DCX: variants seen among roughly 807,000 people sequenced by gnomAD.
DCX encodes the protein neuronal migration protein doublecortin.
In DCX, 4 loss-of-function variants were observed where a neutral mutation model predicts 20.9. The observed-to-expected ratio is 0.19, with a 90% confidence interval of 0.09 to 0.44. The LOEUF is 0.44. Among genes scored for constraint, DCX ranks in the 20% least tolerant of loss-of-function variants. The pLI is 0.99. For missense variants in DCX, 133 were observed against 296.9 expected, an observed-to-expected ratio of 0.45 and a Z score of 4.06; for synonymous variants, 103 against 111.4, an observed-to-expected ratio of 0.92 and a Z score of 0.47.
intron 5 of DCX, among the ~76,000 whole-genome samples, chrX:111,315,271 C>T (rs2095067594): frequency 2.3e-5 from 2 of 87,898 alleles, no homozygotes; most frequent in Non-Finnish European, 4.4e-5. Context: ...GGGCGAAGGA[C>T]ATGAACAGAC....
intron 3 of DCX, among the ~76,000 whole-genome samples, chrX:111,350,300 G>T (rs1273455824): frequency 9.0e-6 from 1 of 111,380 alleles, no homozygotes; most frequent in East Asian, 2.8e-4. Context: ...GTAAGCAAAA[G>T]GAAGGAGCTG....
chrX:111,332,690 T>C (rs932058163), intron 4 of DCX, among the ~76,000 whole-genome samples: 1 of 112,065 alleles, frequency 8.9e-6, no homozygotes, highest in Non-Finnish European at 1.9e-5. Flanking sequence ...TTGGAGGACG[T>C]TGAATGGAGA....
intron 2 of DCX, among the ~76,000 whole-genome samples, chrX:111,409,066 A>T (rs749816131): frequency 1.8e-5 from 2 of 111,862 alleles, no homozygotes; most frequent in African/African-American, 6.5e-5. Context: ...GGAGGAACAC[A>T]TTAATTATCA....
intron 6 of DCX, among the ~76,000 whole-genome samples, chrX:111,305,192 C>A (rs981977492): frequency 1.8e-5 from 2 of 111,341 alleles, no homozygotes; most frequent in East Asian, 2.8e-4. Flanking sequence ...AGAGAATCAT[C>A]CACAGAGAAA....
intron 3 of DCX, among the ~76,000 whole-genome samples, chrX:111,395,438 TA>T (rs1239973405): frequency 1.8e-5 from 2 of 111,980 alleles, no homozygotes; most frequent in Non-Finnish European, 3.8e-5. Context: ...TCAACAACAA[TA>T]AAACTCTAAG....
At chrX:111,346,293 A>G (rs180688387) in intron 3 of DCX, among the ~76,000 whole-genome samples, 11 of 112,099 alleles carry the variant, frequency 9.8e-5, no homozygotes, top group Admixed American at 1.9e-4. Flanking sequence ...AATGTTTCAT[A>G]GACTGTCAGA....
chrX:111,326,603 T>C lies in DCX; in HGVS notation c.946+4301A>G, dbSNP rs547910310. 1.6e-4 allele frequency among the ~76,000 whole-genome samples: 18 copies of C among 111,986 alleles called. 1 individual carries two copies. The South Asian group carries it at 6.8e-3, about 42-fold the overall frequency. On this transcript the variant is annotated intron_variant, in intron 5 of 6. Transcript: ENST00000636035. ...CCATGGCCTGATTTAAAGACAGACATAGCTAATATGACTTGGATTCTAAGA... is the reference window on the plus strand; with the variant it reads ...CCATGGCCTGATTTAAAGACAGACACAGCTAATATGACTTGGATTCTAAGA...
chrX:111,390,136 G>A (rs7056187), intron 3 of DCX, among the ~76,000 whole-genome samples: 3 of 111,800 alleles, frequency 2.7e-5, no homozygotes, highest in African/African-American at 6.5e-5. Flanking sequence ...TCTGATGTAC[G>A]TTGTTGGCTT....
chrX:111,354,206 T>C (rs1351241729), intron 3 of DCX, among the ~76,000 whole-genome samples: 1 of 111,903 alleles, frequency 8.9e-6, no homozygotes. Context: ...GGACCAAAAC[T>C]GAATCTGAGA....
chrX:111,399,213 C>CATATATATATATAT (rs761586513), intron 3 of DCX, among the ~76,000 whole-genome samples: 1 of 108,342 alleles, frequency 9.2e-6, no homozygotes, highest in African/African-American at 3.3e-5. Flanking sequence ...GAATTATATG[C>CATATATATATATAT]ATATATATAT....
chrX:111,339,212 A>C (rs1922006245), intron 3 of DCX, among the ~76,000 whole-genome samples: 1 of 111,507 alleles, frequency 9.0e-6, no homozygotes, highest in South Asian at 3.8e-4. Context: ...ATCCAGTTCC[A>C]AGGCTTTACA....
At chrX:111,357,984 C>T (rs191735519) in intron 3 of DCX, among the ~76,000 whole-genome samples, 130 of 109,899 alleles carry the variant, frequency 1.2e-3, no homozygotes, top group African/African-American at 4.1e-3. Flanking sequence ...TGTGCCACCA[C>T]GCCCGGCTAA....
chrX:111,354,380 TA>T (rs951151223), intron 3 of DCX, among the ~76,000 whole-genome samples: 108 of 111,223 alleles, frequency 9.7e-4, no homozygotes, highest in Non-Finnish European at 1.4e-3. Context: ...AATTACCCTT[TA>T]AAAAAAATGA....
intron 5 of DCX, among the ~76,000 whole-genome samples, chrX:111,320,704 C>T (rs968445794): frequency 1.8e-5 from 2 of 110,435 alleles, no homozygotes; most frequent in African/African-American, 6.6e-5. Flanking sequence ...CAACAAGGGG[C>T]ATCAAAAACT....
intron 3 of DCX, among the ~76,000 whole-genome samples, chrX:111,397,983 A>G (rs1927466636): frequency 9.0e-6 from 1 of 110,975 alleles, no homozygotes; most frequent in African/African-American, 3.3e-5. Flanking sequence ...ATGGCACACA[A>G]TTTGCAGCAT....
intron 3 of DCX, among the ~76,000 whole-genome samples, chrX:111,390,699 C>G (rs181661330): frequency 2.6e-4 from 29 of 111,309 alleles, no homozygotes; most frequent in Non-Finnish European, 1.9e-5. Flanking sequence ...AATTCCCCTG[C>G]TTAAAATCCT....
In DCX at chrX:111,300,322, C is replaced by T. The variant is rs1021335210; in HGVS notation, c.*1365G>A. 1.8e-5 allele frequency: 2 copies of T among 111,953 alleles called. No homozygotes were observed. The highest frequency in any genetic ancestry group is 6.5e-5 in the African/African-American group (2 of 30,725). The allele number at this position is 111,953 out of a possible 1,213,427, so 9.2% of individuals were successfully genotyped here. A position where few individuals can be genotyped will look rare whatever the true frequency, so the allele number is the denominator to read the frequency against. On this transcript the variant is annotated 3_prime_UTR_variant, in exon 7 of 7. Coordinates refer to ENST00000636035, the MANE Select transcript of DCX (RefSeq NM_001195553.2). ...TGAAAACTATTTCAAATGATCAGTC[C>T]TTAGTAAAGAGAAATCCTTTCTAAT...
chrX:111,400,930 A>G, intron 3 of DCX, 60 bp downstream of exon 3: 1 of 1,026,896 alleles, frequency 9.7e-7, no homozygotes, highest in East Asian at 3.0e-5. Flanking sequence ...TATTTTAGGT[A>G]TAACATGATC....
At chrX:111,405,284 C>T (rs1012825413) in intron 2 of DCX, among the ~76,000 whole-genome samples, 1 of 112,445 alleles carries the variant, frequency 8.9e-6, no homozygotes, top group Non-Finnish European at 1.9e-5. Context: ...TGACACTTTA[C>T]TGTATTATAT....
Sources: allele counts gnomAD v4.1 joint callset (sites outside exome capture counted in the v4.1 genomes callset), GRCh38; gene constraint gnomAD v4.1.1; transcripts MANE v1.5; gene names NCBI Gene and HGNC (gene_info 2026-07-23, HGNC 2026-07-21).